The following CSMD1 variants were observed in gnomAD, a reference collection of about 807,000 sequenced individuals.
The protein encoded by CSMD1 is CUB and sushi domain-containing protein 1.
In CSMD1, 213 loss-of-function variants were observed where a neutral mutation model predicts 417.5. That is an observed-to-expected ratio of 0.51 (90% CI 0.46 to 0.57). The LOEUF (loss-of-function observed/expected upper bound fraction) is 0.57. CSMD1 is among the 20% of genes least tolerant of loss of function. CSMD1 has a pLI of 0.00. For missense variants in CSMD1, 6,923 were observed against 4,529.7 expected, an observed-to-expected ratio of 1.53 and a Z score of -15.17; for synonymous variants, 2,862 against 1,736.8, an observed-to-expected ratio of 1.65 and a Z score of -16.11.
chr8:4,705,255 T>A (rs561409312), intron 1 of CSMD1, among the ~76,000 whole-genome samples: 2 of 152,060 alleles, frequency 1.3e-5, no homozygotes, highest in South Asian at 2.1e-4. Flanking sequence ...GTCTCTGGTA[T>A]TTTTTTTATA....
At chr8:4,940,329 T>C (rs1014208761) in intron 1 of CSMD1, among the ~76,000 whole-genome samples, 2 of 152,244 alleles carry the variant, frequency 1.3e-5, no homozygotes, top group African/African-American at 4.8e-5. Context: ...TTTTCTGACG[T>C]GCCCATGTAA....
At chr8:3,438,267 T>A (rs1814704784) in intron 12 of CSMD1, among the ~76,000 whole-genome samples, 1 of 152,230 alleles carries the variant, frequency 6.6e-6, no homozygotes, top group Non-Finnish European at 1.5e-5. Context: ...AAAGATCTTG[T>A]GTAACCTTCG....
intron 50 of CSMD1, among the ~76,000 whole-genome samples, chr8:3,030,033 C>T (rs1021098042): frequency 6.6e-6 from 1 of 151,982 alleles, no homozygotes; most frequent in African/African-American, 2.4e-5. Flanking sequence ...CATAGGCATA[C>T]TGCACTAATA....
At chr8:3,476,121 C>T (rs1254437639) in intron 11 of CSMD1, among the ~76,000 whole-genome samples, 1 of 152,134 alleles carries the variant, frequency 6.6e-6, no homozygotes, top group Admixed American at 6.5e-5. Context: ...GGTGGGAAGA[C>T]TATTTGAGTC....
Position 2,966,560 on chromosome 8 carries a change from G to A in CSMD1, c.9100+10C>T. On this transcript the variant is annotated intron_variant, in intron 58 of 69. Transcript: ENST00000635120. The stretch of plus-strand genomic sequence containing the variant: ...AACGTCTGAGTCTACCATGATGTCT[G>A]CTTACTAACTTGTGCAGTCGGGAGC... 1.2e-6 allele frequency: 2 copies of A among 1,610,760 alleles called. No homozygotes were observed. Among genetic ancestry groups the A allele is most frequent in the Non-Finnish European group, 8.5e-7 (1 of 1,177,584 alleles).
At chr8:3,762,768 G>C (rs1057336752) in intron 5 of CSMD1, among the ~76,000 whole-genome samples, 1 of 152,188 alleles carries the variant, frequency 6.6e-6, no homozygotes, top group African/African-American at 2.4e-5. Context: ...CCCAGAGAGA[G>C]AAAGAGTTAA....
At chr8:4,228,431 C>G (rs946178275) in intron 3 of CSMD1, among the ~76,000 whole-genome samples, 1 of 152,034 alleles carries the variant, frequency 6.6e-6, no homozygotes, top group Non-Finnish European at 1.5e-5. Flanking sequence ...GCAGCAGCAC[C>G]TACACTCATC....
intron 25 of CSMD1, among the ~76,000 whole-genome samples, chr8:3,295,358 C>G (rs1193587906): frequency 6.6e-6 from 1 of 152,016 alleles, no homozygotes; most frequent in Non-Finnish European, 1.5e-5. Context: ...GATCTCCTGA[C>G]CTTGTGATCC....
chr8:3,715,690 C>T (rs1051382506), intron 6 of CSMD1, among the ~76,000 whole-genome samples: 1 of 152,084 alleles, frequency 6.6e-6, no homozygotes, highest in Non-Finnish European at 1.5e-5. Context: ...TTACAGGCAC[C>T]TGCCACCAAA....
At chr8:3,713,381 G>T (rs34217294) in intron 6 of CSMD1, among the ~76,000 whole-genome samples, 13 of 151,858 alleles carry the variant, frequency 8.6e-5, no homozygotes, top group Non-Finnish European at 1.8e-4. Context: ...AATGTAAGAA[G>T]TGAATACAAC....
chr8:3,195,520 T>G (rs1796656635), intron 33 of CSMD1, among the ~76,000 whole-genome samples: 1 of 152,240 alleles, frequency 6.6e-6, no homozygotes, highest in Admixed American at 6.5e-5. Flanking sequence ...TTGTGTGATG[T>G]TCGGCTTTTG....
At chr8:4,340,690 A>C (rs899960709) in intron 3 of CSMD1, among the ~76,000 whole-genome samples, 1 of 152,122 alleles carries the variant, frequency 6.6e-6, no homozygotes. Flanking sequence ...GGAGTTTATT[A>C]GAAGTACATT....
intron 4 of CSMD1, among the ~76,000 whole-genome samples, chr8:4,026,486 C>T (rs188013667): frequency 6.6e-6 from 1 of 152,042 alleles, no homozygotes; most frequent in Non-Finnish European, 1.5e-5. Flanking sequence ...AAAGATCCTC[C>T]AATTAAGAAG....
At chr8:4,188,674 T>A (rs1468029786) in intron 3 of CSMD1, among the ~76,000 whole-genome samples, 1 of 152,156 alleles carries the variant, frequency 6.6e-6, no homozygotes, top group African/African-American at 2.4e-5. Context: ...AACAGTCTAG[T>A]CTTTTAACCT....
At position 3,755,362 on chromosome 8, in the gene CSMD1, C is replaced by T. The variant is rs760159469; in HGVS notation, c.819-1320G>A. On this transcript the variant is annotated intron_variant, in intron 5 of 69. Coordinates refer to ENST00000635120, the MANE Select transcript of CSMD1 (RefSeq NM_033225.6). ...TGATAGAGATGCACATGTAAATGTA[C>T]CTGAAGCACATTCTCCATGTGCTCT... 6.6e-5 allele frequency among the ~76,000 whole-genome samples: 10 copies of T among 152,138 alleles called. No individual in the cohort carries two copies. In the South Asian group the frequency reaches 1.7e-3, roughly 25 times the overall value.
intron 1 of CSMD1, among the ~76,000 whole-genome samples, chr8:4,788,966 G>A (rs1204097408): frequency 4.6e-5 from 7 of 152,136 alleles, no homozygotes; most frequent in African/African-American, 7.2e-5. Flanking sequence ...CATGAACTGA[G>A]ATCAGACAGC....
chr8:4,364,376 G>C (rs939578907), intron 3 of CSMD1, among the ~76,000 whole-genome samples: 2 of 152,082 alleles, frequency 1.3e-5, no homozygotes, highest in East Asian at 1.9e-4. Context: ...CCCCTCTTCA[G>C]TTCCTGTTTA....
At chr8:3,980,252 T>G (rs771892025) in intron 5 of CSMD1, among the ~76,000 whole-genome samples, 13 of 152,190 alleles carry the variant, frequency 8.5e-5, no homozygotes, top group Non-Finnish European at 2.9e-5. Context: ...ACTTAACTAT[T>G]AGGGGAAAAG....
At chr8:3,248,955 T>C (rs962508373) in intron 26 of CSMD1, among the ~76,000 whole-genome samples, 1 of 152,060 alleles carries the variant, frequency 6.6e-6, no homozygotes, top group African/African-American at 2.4e-5. Flanking sequence ...TTCCCCGCAC[T>C]CCACCTCGGT....
Sources: gnomAD v4.1 joint callset for allele counts (sites outside exome capture counted in the v4.1 genomes callset) on GRCh38, gnomAD v4.1.1 for gene constraint, MANE v1.5 for transcripts, NCBI Gene and HGNC (gene_info 2026-07-23, HGNC 2026-07-21) for gene names.